Variants in HAPLN2 observed in about 807,000 individuals in gnomAD.
HAPLN2 encodes brain link protein-1.
HAPLN2 carries 27 observed loss-of-function variants against 29.3 expected under a neutral mutation model. That is an observed-to-expected ratio of 0.92 (90% CI 0.68 to 1.27). HAPLN2 has a LOEUF of 1.27. HAPLN2 is among the 50% of genes most tolerant of loss of function. The pLI is 0.00. For missense variants in HAPLN2, 454 were observed against 484.3 expected, an observed-to-expected ratio of 0.94 and a Z score of 0.59; for synonymous variants, 208 against 211.7, an observed-to-expected ratio of 0.98 and a Z score of 0.15.
chr1:156,623,829 C>A lies in HAPLN2; in HGVS notation c.108C>A (p.Tyr36Ter), dbSNP rs753812298. 6.5e-7 allele frequency: 1 copy of A among 1,529,868 alleles called. No individual in the cohort carries two copies. Among genetic ancestry groups the A allele is most frequent in the Admixed American group, 2.0e-5 (1 of 49,128 alleles). 94.8% of individuals were successfully genotyped at this position (1,529,868 alleles called of 1,614,324 possible). A position where few individuals can be genotyped will look rare whatever the true frequency, so the allele number is the denominator to read the frequency against. The change falls in exon 4 of 7, where the codon TAC (tyrosine) becomes TAA (stop). Residue 36 changes from tyrosine (Y) to a stop codon, truncating the protein, a stop_gained. Coordinates refer to ENST00000255039, the MANE Select transcript of HAPLN2 (RefSeq NM_021817.3). LOFTEE classifies it high-confidence loss of function. ...CAGCATCCCACCCGGGCCCCCACTA[C>A]CTCCTGCCCCCCATCCACGAGGTCA... ...GDPASHPGPH[Y>*]LLPPIHEVIH...
At position 156,624,123 on chromosome 1, in the gene HAPLN2, C is replaced by G. The variant is rs1326497740; in HGVS notation, c.402C>G (p.Ile134Met). The change falls in exon 4 of 7, where the codon ATC (isoleucine) becomes ATG (methionine). Residue 134 changes from isoleucine to methionine, a missense_variant. By Grantham distance (10) the Ile-to-Met change is conservative. Around this residue, in one of 3 missense-constraint regions of HAPLN2, gnomAD observed 204 missense variants for 209.2 expected, o/e 0.98. Transcript: ENST00000255039. ...GRYRCELING[I>M]EDESVALTLS... ...ACCGCTGCGAGCTCATCAACGGCAT[C>G]GAGGACGAGAGCGTGGCGCTGACCT... 1.9e-6 allele frequency: 3 copies of G among 1,613,604 alleles called. No individual in the cohort carries two copies. Among genetic ancestry groups the G allele is most frequent in the East Asian group, 2.2e-5 (1 of 44,856 alleles).
chr1:156,623,037 A>AAATAAAT lies in HAPLN2; in HGVS notation c.-24-428_-24-427insTAAATAA, dbSNP rs1553235325. On this transcript the variant is annotated intron_variant, in intron 2 of 6. Coordinates refer to ENST00000255039, the MANE Select transcript of HAPLN2 (RefSeq NM_021817.3). ...CCATGGAGCAACACTCTGTCTCAAA[A>AAATAAAT]AAATAAATAAATAAATAAATAAATA... Among the ~76,000 whole-genome samples, 28 of 111,424 alleles carry AAATAAAT rather than the reference A, an allele frequency of 2.5e-4. 2 individuals carry two copies. The highest frequency in any genetic ancestry group is 6.2e-4 in the Admixed American group (6 of 9,684). 73.1% of individuals were successfully genotyped at this position (111,424 alleles called of 152,430 possible).
upstream of HAPLN2, among the ~76,000 whole-genome samples, chr1:156,615,568 C>T (rs1401965459): frequency 2.0e-5 from 3 of 148,012 alleles, no homozygotes; most frequent in Non-Finnish European, 4.5e-5. Flanking sequence ...CTCTCTCTCT[C>T]TCTCTTTTTT....
upstream of HAPLN2, among the ~76,000 whole-genome samples, chr1:156,616,305 C>T (rs946625057): frequency 6.6e-6 from 1 of 152,310 alleles, no homozygotes; most frequent in Non-Finnish European, 1.5e-5. Flanking sequence ...ATTTTAGCGT[C>T]TGGGGGGAAA....
upstream of HAPLN2, among the ~76,000 whole-genome samples, chr1:156,617,035 C>T (rs1476129048): frequency 1.3e-5 from 2 of 151,842 alleles, no homozygotes; most frequent in African/African-American, 2.4e-5. Context: ...GGCTGCAGTG[C>T]GCCATGATCG....
intron 2 of HAPLN2, among the ~76,000 whole-genome samples, chr1:156,621,410 ATT>A (rs57563950): frequency 1.4e-5 from 2 of 146,880 alleles, no homozygotes; most frequent in African/African-American, 2.5e-5. Context: ...GCCCAGTCCA[ATT>A]TTTTTTTTTA....
the HAPLN2 span, among the ~76,000 whole-genome samples, chr1:156,609,847 C>G: frequency 6.6e-6 from 1 of 152,142 alleles, no homozygotes; most frequent in Non-Finnish European, 1.5e-5. Flanking sequence ...AATCTATACA[C>G]CAAACCCCCA....
chr1:156,625,135 G>A lies in HAPLN2; in HGVS notation c.774G>A (p.Leu258=), dbSNP rs1324334854. 3.9e-6 allele frequency: 6 copies of A among 1,541,440 alleles called. No individual in the cohort carries two copies. In the African/African-American group the frequency reaches 6.9e-5, roughly 18 times the overall value. ...TCTTCGTGCCCGGGCGGCTGACGCT[G>A]TCTGAAGCCCACGCGGCGTGCCGGC... ...QVFFVPGRLT[L]SEAHAACRRR... Residue 258 remains leucine (L), a synonymous_variant, in exon 7 of 7, where the codon CTG becomes CTA. Coordinates refer to ENST00000255039, the MANE Select transcript of HAPLN2 (RefSeq NM_021817.3). The surrounding 1 kb of genome is among the most constrained non-coding windows in gnomAD (Gnocchi z 5.7).
chr1:156,625,511 C>T lies in HAPLN2; in HGVS notation c.*127C>T. The T allele has an allele frequency of 1.0e-6, 1 of 987,288 alleles. No homozygotes were observed. The highest frequency in any genetic ancestry group is 1.4e-6 in the Non-Finnish European group (1 of 720,632). The allele number at this position is 987,288 out of a possible 1,614,324, so 61.2% of individuals were successfully genotyped here. ...GGAGCGGCCTCTCCAGACCTGCCTT[C>T]CCAGCCGGGGGCTGCGGGCCTCGGA... is the stretch of plus-strand genomic sequence containing the variant. On this transcript the variant is annotated 3_prime_UTR_variant, in exon 7 of 7. Transcript: ENST00000255039. This position sits in a 1 kb window ranked among gnomAD's most constrained non-coding sequence, Gnocchi z 5.7.
the HAPLN2 span, among the ~76,000 whole-genome samples, chr1:156,606,655 G>A: frequency 6.6e-6 from 1 of 151,760 alleles, no homozygotes; most frequent in Admixed American, 6.6e-5. Flanking sequence ...GCTAATTTTT[G>A]TATTTTTTGT....
the HAPLN2 span, among the ~76,000 whole-genome samples, chr1:156,613,773 T>C: frequency 6.6e-6 from 1 of 151,550 alleles, no homozygotes; most frequent in Non-Finnish European, 1.5e-5. Flanking sequence ...AAAAATTAGC[T>C]TGGTGTGGTG....
chr1:156,611,062 C>T, the HAPLN2 span, among the ~76,000 whole-genome samples: 1 of 151,778 alleles, frequency 6.6e-6, no homozygotes, highest in Non-Finnish European at 1.5e-5. Context: ...TGGGTGGGTC[C>T]CTTGAGCCTA....
the HAPLN2 span, among the ~76,000 whole-genome samples, chr1:156,605,271 GAA>G: frequency 6.8e-6 from 1 of 146,024 alleles, no homozygotes; most frequent in Non-Finnish European, 1.5e-5. Context: ...GTCTGAAAAA[GAA>G]AAAAAAAGAG....
At chr1:156,605,811 A>C in the HAPLN2 span, among the ~76,000 whole-genome samples, 1 of 152,112 alleles carries the variant, frequency 6.6e-6, no homozygotes, top group South Asian at 2.1e-4. Context: ...TTGATTTTGC[A>C]CGAGAGTGCC....
At chr1:156,611,061 C>T in the HAPLN2 span, among the ~76,000 whole-genome samples, 311 of 152,078 alleles carry the variant, frequency 2.0e-3, no homozygotes, top group African/African-American at 6.8e-3. Flanking sequence ...GTGGGTGGGT[C>T]CCTTGAGCCT....
chr1:156,602,813 C>T, the HAPLN2 span, among the ~76,000 whole-genome samples: 1 of 152,176 alleles, frequency 6.6e-6, no homozygotes, highest in East Asian at 1.9e-4. Context: ...CCTACCCCTG[C>T]AAGCTGTTCC....
rs764363797 is a variant in HAPLN2, at chr1:156,624,686, G to C, written c.642G>C (p.Pro214=). The stretch of plus-strand genomic sequence containing the variant: ...ACCCTGTGCTCACCGCACGCGCCCC[G>C]TGCGGCGGCCGAGGCCGGCCCGGGA... ...VRYPVLTARA[P]CGGRGRPGIR... Residue 214 remains proline, a synonymous_variant, in exon 6 of 7, where the codon CCG becomes CCC. Coordinates refer to ENST00000255039, the MANE Select transcript of HAPLN2 (RefSeq NM_021817.3). The C allele has an allele frequency of 5.6e-6, 9 of 1,601,820 alleles. No homozygotes were observed. The African/African-American group carries it at 1.1e-4, about 19-fold the overall frequency.
At position 156,623,586 on chromosome 1, in the gene HAPLN2, A is replaced by T. The variant is rs1166321694; in HGVS notation, c.85+11A>T. 1 of 1,614,018 alleles carries T rather than the reference A, an allele frequency of 6.2e-7. No homozygotes were observed. Among genetic ancestry groups the T allele is most frequent in the East Asian group, 2.2e-5 (1 of 44,888 alleles). On this transcript the variant is annotated intron_variant, in intron 3 of 6. Coordinates refer to ENST00000255039, the MANE Select transcript of HAPLN2 (RefSeq NM_021817.3). ...CCCAAGGAGACCCAGGTAAGACCCC[A>T]GCCCAGGCCAGAATCTGGGGGAGGC... is the stretch of plus-strand genomic sequence containing the variant.
chr1:156,610,336 G>T, the HAPLN2 span, among the ~76,000 whole-genome samples: 1 of 151,532 alleles, frequency 6.6e-6, no homozygotes, highest in Non-Finnish European at 1.5e-5. Flanking sequence ...CATATTATTC[G>T]GTGGAAAAGC....
Sources: allele counts gnomAD v4.1 joint callset (sites outside exome capture counted in the v4.1 genomes callset), GRCh38; gene constraint gnomAD v4.1.1; regional missense constraint gnomAD v4.1.1; non-coding constraint Gnocchi (gnomAD v3.1); transcripts MANE v1.5; gene names NCBI Gene and HGNC (gene_info 2026-07-23, HGNC 2026-07-21).